FBXL17: variants seen among roughly 807,000 people sequenced by gnomAD.
FBXL17 encodes the protein F-box and leucine rich repeat protein 17.
FBXL17 carries 22 observed loss-of-function variants against 66.2 expected under a neutral mutation model. That is an observed-to-expected ratio of 0.33 (90% CI 0.24 to 0.47). The LOEUF (loss-of-function observed/expected upper bound fraction) is 0.47, where lower values mean the gene tolerates loss of function less well. Ranked by LOEUF, FBXL17 falls within the 20% of genes least tolerant of loss-of-function variation. The pLI, the probability that FBXL17 is intolerant of heterozygous loss-of-function variation, is 1.00. For missense variants in FBXL17, 878 were observed against 948.2 expected (o/e 0.93, Z 0.97); for synonymous variants, 474 against 400.5 (o/e 1.18, Z -2.19).
chr5:108,201,298 T>C (rs1753884434), intron 5 of FBXL17, among the ~76,000 whole-genome samples: 1 of 152,128 alleles, frequency 6.6e-6, no homozygotes, highest in Non-Finnish European at 1.5e-5. Flanking sequence ...GATTAACAAC[T>C]GGCGCAGTGT....
At chr5:108,249,489 A>G (rs1438692381) in intron 4 of FBXL17, among the ~76,000 whole-genome samples, 2 of 152,190 alleles carry the variant, frequency 1.3e-5, no homozygotes, top group Admixed American at 1.3e-4. Context: ...TCAGTATTAC[A>G]AACAGCATCA....
chr5:108,376,783 ATTCTTT>A (rs1007521518), intron 1 of FBXL17, among the ~76,000 whole-genome samples: 1 of 122,768 alleles, frequency 8.1e-6, no homozygotes, highest in African/African-American at 2.9e-5. Context: ...GCCAGTGTAT[ATTCTTT>A]TTTTTTTTTT....
intron 7 of FBXL17, among the ~76,000 whole-genome samples, chr5:107,911,798 C>A (rs951117384): frequency 7.2e-5 from 11 of 151,824 alleles, no homozygotes; most frequent in Non-Finnish European, 1.2e-4. Flanking sequence ...TAGCATGTAA[C>A]AAAATAGGGT....
intron 6 of FBXL17, among the ~76,000 whole-genome samples, chr5:108,143,618 C>G (rs939326120): frequency 6.6e-6 from 1 of 151,170 alleles, no homozygotes; most frequent in Non-Finnish European, 1.5e-5. Flanking sequence ...ATTTTGAAGC[C>G]CAGATAGCTC....
At chr5:108,150,792 C>T (rs1751741217) in intron 6 of FBXL17, among the ~76,000 whole-genome samples, 2 of 152,144 alleles carry the variant, frequency 1.3e-5, no homozygotes, top group South Asian at 2.1e-4. Context: ...AACGATTTTC[C>T]GCATTATTGG....
chr5:108,201,003 T>C (rs1433477469), intron 5 of FBXL17, among the ~76,000 whole-genome samples: 1 of 152,140 alleles, frequency 6.6e-6, no homozygotes, highest in African/African-American at 2.4e-5. Flanking sequence ...TAAGCCCAAA[T>C]TCTGCTAAAA....
At chr5:107,893,258 C>A (rs1455638196) in intron 7 of FBXL17, among the ~76,000 whole-genome samples, 1 of 152,136 alleles carries the variant, frequency 6.6e-6, no homozygotes, top group Non-Finnish European at 1.5e-5. Flanking sequence ...AAGGGAGAGG[C>A]CTGGTTCTGG....
chr5:108,275,641 A>G (rs555467666), intron 4 of FBXL17, among the ~76,000 whole-genome samples: 1 of 152,332 alleles, frequency 6.6e-6, no homozygotes, highest in East Asian at 1.9e-4. Flanking sequence ...ATATAGAAAT[A>G]TATCTTCCCA....
At chr5:107,983,670 G>T (rs907907366) in intron 7 of FBXL17, among the ~76,000 whole-genome samples, 1 of 152,172 alleles carries the variant, frequency 6.6e-6, no homozygotes, top group Middle Eastern at 3.2e-3. Context: ...CCAAAGAAGT[G>T]CTTCTAGTGG....
At chr5:107,989,659 G>A (rs1753157848) in intron 7 of FBXL17, among the ~76,000 whole-genome samples, 1 of 152,100 alleles carries the variant, frequency 6.6e-6, no homozygotes, top group Non-Finnish European at 1.5e-5. Context: ...ATACCCAGCT[G>A]TGGGACTGCT....
intron 7 of FBXL17, among the ~76,000 whole-genome samples, chr5:107,943,367 G>C (rs1751176699): frequency 6.6e-6 from 1 of 151,968 alleles, no homozygotes; most frequent in African/African-American, 2.4e-5. Flanking sequence ...TCTATTCCTA[G>C]GTTTACCACC....
At chr5:108,129,969 C>T (rs868053381) in intron 6 of FBXL17, among the ~76,000 whole-genome samples, 5 of 151,266 alleles carry the variant, frequency 3.3e-5, no homozygotes, top group South Asian at 2.1e-4. Flanking sequence ...ATACAAGTTC[C>T]GATAAGTCTC....
At chr5:108,211,422 G>T (rs975924376) in intron 5 of FBXL17, among the ~76,000 whole-genome samples, 1 of 152,048 alleles carries the variant, frequency 6.6e-6, no homozygotes, top group Non-Finnish European at 1.5e-5. Flanking sequence ...TCATAGTATC[G>T]ATGTTCTTTA....
intron 3 of FBXL17, among the ~76,000 whole-genome samples, chr5:108,353,486 G>A (rs747158820): frequency 2.6e-5 from 4 of 152,150 alleles, no homozygotes; most frequent in East Asian, 1.9e-4. Context: ...AGGTCTTCAC[G>A]GAGAATACTG....
intron 5 of FBXL17, among the ~76,000 whole-genome samples, chr5:108,190,640 T>C (rs955226540): frequency 2.6e-5 from 4 of 152,120 alleles, no homozygotes; most frequent in African/African-American, 4.8e-5. Flanking sequence ...TAGGGCTAGA[T>C]AGGTGGATAA....
chr5:108,381,566 G>A lies in FBXL17; in HGVS notation c.126C>T (p.Pro42=). ...RLPRRTPAKV[P]PQPAAPRSRD... ...GGCTCCGGGGCGCCGCCGGCTGAGG[G>A]GGCACCTTGGCTGGGGTCCGGCGGG... The change falls in exon 1 of 9, where the codon CCC becomes CCT. Residue 42 remains proline (P), a synonymous_variant. Coordinates refer to ENST00000542267, the MANE Select transcript of FBXL17 (RefSeq NM_001163315.3). 6.9e-7 allele frequency: 1 copy of A among 1,440,112 alleles called. No individual in the cohort carries two copies. Among genetic ancestry groups the A allele is most frequent in the Non-Finnish European group, 9.1e-7 (1 of 1,104,840 alleles). The allele number at this position is 1,440,112 out of a possible 1,614,324, so 89.2% of individuals were successfully genotyped here.
chr5:108,192,774 A>T (rs1296785746), intron 5 of FBXL17, among the ~76,000 whole-genome samples: 1 of 152,202 alleles, frequency 6.6e-6, no homozygotes, highest in East Asian at 1.9e-4. Context: ...CCTGGGTGAC[A>T]GAGCGAGATG....
chr5:107,925,231 CAT>C (rs747243606), intron 7 of FBXL17, among the ~76,000 whole-genome samples: 3 of 152,186 alleles, frequency 2.0e-5, no homozygotes, highest in African/African-American at 4.8e-5. Flanking sequence ...TTCTATAACA[CAT>C]GTGTTGTGTT....
intron 6 of FBXL17, among the ~76,000 whole-genome samples, chr5:108,105,121 G>C (rs148192343): frequency 3.9e-5 from 6 of 152,186 alleles, no homozygotes; most frequent in Non-Finnish European, 5.9e-5. Context: ...GATTACAGGC[G>C]TGAGCCACCA....
Sources: allele counts gnomAD v4.1 joint callset (sites outside exome capture counted in the v4.1 genomes callset), GRCh38; gene constraint gnomAD v4.1.1; transcripts MANE v1.5; gene names NCBI Gene and HGNC (gene_info 2026-07-23, HGNC 2026-07-21).